SH3BGR: variants seen among roughly 807,000 people sequenced by gnomAD.
SH3BGR encodes SH3 domain binding glutamate rich protein.
In SH3BGR, 29 loss-of-function variants were observed where a neutral mutation model predicts 24.5. That is an observed-to-expected ratio of 1.18 (90% confidence interval 0.88 to 1.61). SH3BGR has a LOEUF of 1.61. Among genes scored for constraint, SH3BGR ranks in the 40% most tolerant of loss-of-function variants. SH3BGR has a pLI of 0.00. For synonymous variants in SH3BGR, 55 were observed against 65.7 expected, an observed-to-expected ratio of 0.84 and a Z score of 0.79; for missense variants, 162 against 205.8, an observed-to-expected ratio of 0.79 and a Z score of 1.30.
chr21:39,459,549 T>C (rs186560861), intron 1 of SH3BGR, among the ~76,000 whole-genome samples: 49 of 151,264 alleles, frequency 3.2e-4, no homozygotes, highest in African/African-American at 1.1e-3. Context: ...TTCTTTTTCT[T>C]TCTGACAGGG....
upstream of SH3BGR, chr21:39,451,822 G>C (rs1426499734): frequency 1.4e-6 from 2 of 1,434,012 alleles, no homozygotes; most frequent in African/African-American, 2.8e-5. Flanking sequence ...TAGGGAAAGG[G>C]TCCAGTGGCT....
Position 39,462,558 on chromosome 21 carries a change from G to A in SH3BGR, c.229G>A (p.Gly77Arg), listed in dbSNP as rs771908885. The A allele has an allele frequency of 6.4e-7, 1 of 1,554,344 alleles. No individual in the cohort carries two copies. The highest frequency in any genetic ancestry group is 2.3e-5 in the Admixed American group (1 of 42,562). ...GATCTTCAATGAGGAGCAGTACTGT[G>A]GGGTGAGTATGTGCTTCTATTAAAA... is the stretch of plus-strand genomic sequence containing the variant. ...PQIFNEEQYC[G>R]DFDSFFSAKE... Residue 77 changes from glycine to arginine, a missense_variant and splice_region_variant, in exon 2 of 7, where the codon GGG (glycine) becomes AGG (arginine). Physicochemically the swap from Gly to Arg is moderately radical, Grantham distance 125. Coordinates refer to ENST00000333634, the MANE Select transcript of SH3BGR (RefSeq NM_007341.3).
At chr21:39,451,230 A>G (rs1268435565), upstream of SH3BGR, among the ~76,000 whole-genome samples, 2 of 152,240 alleles carry the variant, frequency 1.3e-5, no homozygotes, top group Non-Finnish European at 2.9e-5. Flanking sequence ...AGCCTGTTAT[A>G]AACAGATTAT....
chr21:39,454,595 C>T (rs2077625568), intron 1 of SH3BGR, among the ~76,000 whole-genome samples: 1 of 152,170 alleles, frequency 6.6e-6, no homozygotes, highest in South Asian at 2.1e-4. Context: ...AGGACAGTCC[C>T]TGCCGTCTCC....
At chr21:39,456,726 A>G (rs896466323) in intron 1 of SH3BGR, among the ~76,000 whole-genome samples, 1 of 152,214 alleles carries the variant, frequency 6.6e-6, no homozygotes, top group African/African-American at 2.4e-5. Flanking sequence ...GGGAATTACC[A>G]GAGTCCATAT....
At chr21:39,447,029 C>A (rs1029112013), upstream of SH3BGR, 1 of 151,910 alleles carries the variant, frequency 6.6e-6, no homozygotes, top group Non-Finnish European at 1.5e-5. Flanking sequence ...AAATGCATGA[C>A]CCACCCTGAG....
At chr21:39,513,768 C>T (rs1047729705) in intron 6 of SH3BGR, among the ~76,000 whole-genome samples, 2 of 152,020 alleles carry the variant, frequency 1.3e-5, no homozygotes, top group African/African-American at 4.8e-5. Context: ...TATATTTATC[C>T]TCATACCAGA....
chr21:39,514,643 T>C (rs1310890953), intron 6 of SH3BGR, among the ~76,000 whole-genome samples: 2 of 152,320 alleles, frequency 1.3e-5, no homozygotes, highest in East Asian at 3.9e-4. Context: ...ATTACAGGCA[T>C]GAACCACCAC....
chr21:39,512,293 A>G (rs1337475627), intron 6 of SH3BGR, among the ~76,000 whole-genome samples: 1 of 152,164 alleles, frequency 6.6e-6, no homozygotes, highest in East Asian at 1.9e-4. Flanking sequence ...GAGTCATGAA[A>G]GAAAATTATT....
chr21:39,505,907 G>C (rs1319010261), intron 4 of SH3BGR, among the ~76,000 whole-genome samples: 2 of 152,158 alleles, frequency 1.3e-5, no homozygotes, highest in African/African-American at 4.8e-5. Flanking sequence ...TGTTTCAACT[G>C]AATATAACTA....
At chr21:39,505,777 G>GT (rs2078571968) in intron 4 of SH3BGR, among the ~76,000 whole-genome samples, 1 of 152,070 alleles carries the variant, frequency 6.6e-6, no homozygotes. Flanking sequence ...AAAAAAAAGA[G>GT]TGCTAGGTTC....
At chr21:39,487,219 T>C (rs1266999619) in intron 3 of SH3BGR, among the ~76,000 whole-genome samples, 1 of 152,200 alleles carries the variant, frequency 6.6e-6, no homozygotes, top group Non-Finnish European at 1.5e-5. Context: ...CACGGCTCAC[T>C]GCAGCCTCGA....
At chr21:39,457,369 A>G (rs2077676065) in intron 1 of SH3BGR, among the ~76,000 whole-genome samples, 1 of 143,606 alleles carries the variant, frequency 7.0e-6, no homozygotes, top group African/African-American at 2.5e-5. Flanking sequence ...AATCTTATAT[A>G]TAAGATTATT....
At chr21:39,459,917 C>T (rs2077727178) in intron 1 of SH3BGR, among the ~76,000 whole-genome samples, 1 of 152,104 alleles carries the variant, frequency 6.6e-6, no homozygotes, top group South Asian at 2.1e-4. Context: ...AAATGGGGTC[C>T]ACACAGTCTG....
intron 3 of SH3BGR, among the ~76,000 whole-genome samples, chr21:39,481,268 C>G (rs1273721353): frequency 6.6e-6 from 1 of 152,104 alleles, no homozygotes; most frequent in Non-Finnish European, 1.5e-5. Flanking sequence ...CATTTGTGAC[C>G]TGCCTGGGCA....
At chr21:39,479,689 A>AAAACTG (rs2123413318) in intron 3 of SH3BGR, among the ~76,000 whole-genome samples, 1 of 152,272 alleles carries the variant, frequency 6.6e-6, no homozygotes, top group African/African-American at 2.4e-5. Flanking sequence ...TACAGAGACA[A>AAAACTG]AAACTGCTTA....
At chr21:39,508,167 T>C (rs931973408) in intron 4 of SH3BGR, among the ~76,000 whole-genome samples, 7 of 152,220 alleles carry the variant, frequency 4.6e-5, no homozygotes, top group Non-Finnish European at 7.3e-5. Context: ...CCGTCCATGA[T>C]TCCCTGAGCT....
rs913669087 is a variant in SH3BGR at position 39,510,143 on chromosome 21, C to T, written c.435+1116C>T. ...ATTTTTAGTAGAGACGGGGTTTCAC[C>T]GTGTTAGCCAAGATGGTCTCGATCT... On this transcript the variant is annotated intron_variant, in intron 5 of 6. Transcript: ENST00000333634. 2.0e-4 allele frequency among the ~76,000 whole-genome samples: 26 copies of T among 129,312 alleles called. 2 individuals are homozygous for T. Among genetic ancestry groups the T allele is most frequent in the Non-Finnish European group, 3.9e-4 (24 of 61,246 alleles). The allele number at this position is 129,312 out of a possible 152,430, so 84.8% of individuals were successfully genotyped here. A position where few individuals can be genotyped will look rare whatever the true frequency, so the allele number is the denominator to read the frequency against.
At chr21:39,463,283 A>G (rs1268453967) in intron 2 of SH3BGR, among the ~76,000 whole-genome samples, 2 of 152,254 alleles carry the variant, frequency 1.3e-5, no homozygotes, top group African/African-American at 4.8e-5. Context: ...TGTTCTGGGC[A>G]TTTTGGTTAT....
Sources: gnomAD v4.1 joint callset for allele counts (sites outside exome capture counted in the v4.1 genomes callset) on GRCh38, gnomAD v4.1.1 for gene constraint, MANE v1.5 for transcripts, NCBI Gene and HGNC (gene_info 2026-07-23, HGNC 2026-07-21) for gene names.